Variants in KIF6 observed in about 807,000 individuals in gnomAD.
KIF6 encodes kinesin-like protein KIF6.
KIF6 carries 106 observed loss-of-function variants against 112.7 expected under a neutral mutation model. The ratio of observed to expected loss-of-function variants is 0.94; its 90% confidence interval spans 0.80 to 1.11. The LOEUF (loss-of-function observed/expected upper bound fraction) is 1.11. KIF6 is among the 50% of genes least tolerant of loss of function. The pLI is 0.00. For missense variants in KIF6, 929 were observed against 964.0 expected, an observed-to-expected ratio of 0.96 and a Z score of 0.48; for synonymous variants, 339 against 339.9, an observed-to-expected ratio of 1.00 and a Z score of 0.03.
At chr6:39,477,347 G>A (rs1774489604) in intron 13 of KIF6, among the ~76,000 whole-genome samples, 1 of 152,158 alleles carries the variant, frequency 6.6e-6, no homozygotes, top group Admixed American at 6.5e-5. Flanking sequence ...TTGATGTAGT[G>A]AGCCTATGTG....
chr6:39,441,028 G>C (rs1771894136), intron 13 of KIF6, among the ~76,000 whole-genome samples: 1 of 152,200 alleles, frequency 6.6e-6, no homozygotes, highest in Non-Finnish European at 1.5e-5. Context: ...AGATTAGATG[G>C]AACAGTGGAG....
chr6:39,366,816 A>C (rs1301283684), intron 16 of KIF6, among the ~76,000 whole-genome samples: 1 of 152,078 alleles, frequency 6.6e-6, no homozygotes, highest in African/African-American at 2.4e-5. Context: ...TGGTAAGGAC[A>C]CTGGCTTTGA....
At chr6:39,356,669 C>T (rs1764714812) in intron 19 of KIF6, among the ~76,000 whole-genome samples, 1 of 152,212 alleles carries the variant, frequency 6.6e-6, no homozygotes, top group Non-Finnish European at 1.5e-5. Flanking sequence ...GGAGGCCCCA[C>T]ACATACTATC....
intron 15 of KIF6, among the ~76,000 whole-genome samples, chr6:39,391,309 C>T (rs926718466): frequency 6.6e-6 from 1 of 152,180 alleles, no homozygotes; most frequent in African/African-American, 2.4e-5. Flanking sequence ...AAGAGTCTGG[C>T]ACATTGTTTG....
intron 9 of KIF6, among the ~76,000 whole-genome samples, chr6:39,579,236 A>G (rs1297052782): frequency 6.6e-6 from 1 of 152,144 alleles, no homozygotes; most frequent in Non-Finnish European, 1.5e-5. Context: ...TTTTGTCACT[A>G]TGTAATATTG....
chr6:39,508,453 C>T (rs1218691679), intron 13 of KIF6, among the ~76,000 whole-genome samples: 1 of 152,200 alleles, frequency 6.6e-6, no homozygotes, highest in East Asian at 1.9e-4. Context: ...TCTCCCTTTC[C>T]TAGCCAAGGA....
At chr6:39,444,633 T>C (rs1409351088) in intron 13 of KIF6, among the ~76,000 whole-genome samples, 2 of 152,162 alleles carry the variant, frequency 1.3e-5, no homozygotes, top group Non-Finnish European at 2.9e-5. Flanking sequence ...TTGGGCTCTA[T>C]ACCTCCTCAT....
At chr6:39,452,445 T>C (rs1252750683) in intron 13 of KIF6, among the ~76,000 whole-genome samples, 1 of 152,182 alleles carries the variant, frequency 6.6e-6, no homozygotes, top group Non-Finnish European at 1.5e-5. Context: ...CTAATGAGCT[T>C]TTGGTTGCCT....
chr6:39,331,744 C>CT lies in KIF6; in HGVS notation c.*4787dup, dbSNP rs1445259212. On this transcript the variant is annotated 3_prime_UTR_variant, in exon 23 of 23. Coordinates refer to ENST00000287152, the MANE Select transcript of KIF6 (RefSeq NM_145027.6). ...GGCACTTTCTCTGTCTCTGTCACCT[C>CT]TGACTCCTCAGAACTTAGCACAATG... 1 of 152,406 alleles carries CT rather than the reference C, an allele frequency of 6.6e-6. No homozygotes were observed. Among genetic ancestry groups the CT allele is most frequent in the Non-Finnish European group, 1.5e-5 (1 of 68,048 alleles). The allele number at this position is 152,406 out of a possible 1,614,324, so 9.4% of individuals were successfully genotyped here.
chr6:39,638,371 G>T, intron 4 of KIF6, among the ~76,000 whole-genome samples: 1 of 152,038 alleles, frequency 6.6e-6, no homozygotes, highest in East Asian at 1.9e-4. Flanking sequence ...AAGACAAAAG[G>T]ATTCCACATT....
intron 13 of KIF6, among the ~76,000 whole-genome samples, chr6:39,461,207 A>G (rs1391748165): frequency 2.6e-5 from 4 of 152,210 alleles, no homozygotes; most frequent in African/African-American, 4.8e-5. Context: ...ACAATAAATC[A>G]TAGGTCTATA....
chr6:39,428,963 C>A (rs928924451), intron 14 of KIF6, among the ~76,000 whole-genome samples: 1 of 152,146 alleles, frequency 6.6e-6, no homozygotes, highest in South Asian at 2.1e-4. Flanking sequence ...TGGAGTATGT[C>A]CCCTTATAAA....
intron 13 of KIF6, among the ~76,000 whole-genome samples, chr6:39,512,173 A>G (rs542973713): frequency 7.9e-5 from 12 of 152,354 alleles, no homozygotes; most frequent in South Asian, 6.2e-4. Context: ...AATCAGAAAT[A>G]AAAGAACCTT....
chr6:39,404,857 T>C (rs1488519628), intron 15 of KIF6, among the ~76,000 whole-genome samples: 1 of 151,866 alleles, frequency 6.6e-6, no homozygotes, highest in Non-Finnish European at 1.5e-5. Context: ...TTAGAGTTTG[T>C]TGGGTTTCAA....
chr6:39,494,547 A>G (rs1317014791), intron 13 of KIF6, among the ~76,000 whole-genome samples: 2 of 152,244 alleles, frequency 1.3e-5, no homozygotes, highest in Non-Finnish European at 2.9e-5. Flanking sequence ...ACAAAAGCAT[A>G]TGTTAAATTT....
chr6:39,508,667 C>T (rs1261049399), intron 13 of KIF6, among the ~76,000 whole-genome samples: 1 of 152,150 alleles, frequency 6.6e-6, no homozygotes, highest in African/African-American at 2.4e-5. Context: ...GGAGGGGCTT[C>T]CGCCATTGAT....
chr6:39,561,464 G>A (rs1243113142), intron 10 of KIF6, among the ~76,000 whole-genome samples: 3 of 151,642 alleles, frequency 2.0e-5, no homozygotes, highest in Admixed American at 2.0e-4. Context: ...AGATTCTCCT[G>A]CCTAAGCATC....
At chr6:39,419,882 A>T (rs958416100) in intron 15 of KIF6, 66 bp downstream of exon 15, 1 of 1,388,296 alleles carries the variant, frequency 7.2e-7, no homozygotes, top group African/African-American at 1.4e-5. Flanking sequence ...TTGGAGGCAC[A>T]TCATGACCTG....
At chr6:39,536,287 T>G (rs544385010) in intron 13 of KIF6, among the ~76,000 whole-genome samples, 1,534 of 151,758 alleles carry the variant, frequency 0.01, 34 homozygotes, top group African/African-American at 0.033. Flanking sequence ...CTGGTTTTTT[T>G]AAAGGATCAA....
Sources: gnomAD v4.1 joint callset for allele counts (sites outside exome capture counted in the v4.1 genomes callset) on GRCh38, gnomAD v4.1.1 for gene constraint, MANE v1.5 for transcripts, NCBI Gene and HGNC (gene_info 2026-07-23, HGNC 2026-07-21) for gene names.